Variants in MRAP2 observed in about 807,000 individuals in gnomAD.
MRAP2 encodes the protein melanocortin-2 receptor accessory protein 2.
Under a neutral mutation model 17.4 loss-of-function variants are expected in MRAP2, and 20 were observed. The observed-to-expected ratio is 1.15, with a 90% CI of 0.81 to 1.67. MRAP2 has a LOEUF of 1.67. Among genes scored for constraint, MRAP2 ranks in the 40% most tolerant of loss-of-function variants. MRAP2 has a pLI of 0.00. For missense variants in MRAP2, 238 were observed against 240.0 expected (o/e 0.99, Z 0.05); for synonymous variants, 96 against 88.4 (o/e 1.09, Z -0.48).
chr6:84,134,553 C>T, the MRAP2 span, among the ~76,000 whole-genome samples: 6 of 152,132 alleles, frequency 3.9e-5, no homozygotes, highest in East Asian at 3.9e-4. Flanking sequence ...TGGAGTGCAC[C>T]GTTCCTCATG....
At chr6:84,108,560 T>G in the MRAP2 span, among the ~76,000 whole-genome samples, 1 of 152,180 alleles carries the variant, frequency 6.6e-6, no homozygotes, top group South Asian at 2.1e-4. Flanking sequence ...TTAAGTTCCT[T>G]ATAGATGCTG....
the MRAP2 span, among the ~76,000 whole-genome samples, chr6:84,109,617 T>G: frequency 2.6e-5 from 4 of 152,166 alleles, no homozygotes; most frequent in Admixed American, 2.6e-4. Context: ...TTATTATTAT[T>G]GTACTTTAAG....
At position 84,090,858 on chromosome 6, in the gene MRAP2, A is replaced by C. The variant is rs1488296191; in HGVS notation, c.*1377A>C. 1.3e-5 allele frequency: 2 copies of C among 152,230 alleles called. No homozygotes were observed. The highest frequency in any genetic ancestry group is 2.9e-5 in the Non-Finnish European group (2 of 68,034). 9.4% of individuals were successfully genotyped at this position (152,230 alleles called of 1,614,324 possible). ...GTTCACCACCTGTCTTGCTTAAGCT[A>C]CAAAATAAATGCATTTGACTGCACA... On this transcript the variant is annotated 3_prime_UTR_variant, in exon 4 of 4. Coordinates refer to ENST00000257776, the MANE Select transcript of MRAP2 (RefSeq NM_138409.4).
the MRAP2 span, among the ~76,000 whole-genome samples, chr6:84,116,943 G>A: frequency 9.9e-5 from 15 of 151,882 alleles, no homozygotes; most frequent in East Asian, 3.9e-4. Flanking sequence ...CTGGCTTGCC[G>A]TTTCCTTCCC....
chr6:84,101,531 A>G, the MRAP2 span, among the ~76,000 whole-genome samples: 1 of 152,220 alleles, frequency 6.6e-6, no homozygotes, highest in Non-Finnish European at 1.5e-5. Context: ...AGGCTTCAGG[A>G]CAGTTATGAA....
chr6:84,137,468 T>C, the MRAP2 span, among the ~76,000 whole-genome samples: 7 of 152,242 alleles, frequency 4.6e-5, no homozygotes, highest in East Asian at 1.9e-4. Context: ...TGGGCCACAA[T>C]AGTCCCTGGG....
At chr6:84,042,085 G>A (rs1412818334) in intron 1 of MRAP2, among the ~76,000 whole-genome samples, 1 of 152,122 alleles carries the variant, frequency 6.6e-6, no homozygotes, top group Non-Finnish European at 1.5e-5. Context: ...AATCATGGGG[G>A]CAGTTATCCC....
intron 1 of MRAP2, chr6:84,035,386 A>C (rs2099485708): frequency 1.0e-6 from 1 of 980,534 alleles, no homozygotes; most frequent in Admixed American, 6.1e-5. Context: ...ACAAATACTT[A>C]CGCCAAACCA....
intron 3 of MRAP2, among the ~76,000 whole-genome samples, chr6:84,082,958 C>G (rs546999245): frequency 6.6e-6 from 1 of 152,158 alleles, no homozygotes; most frequent in East Asian, 1.9e-4. Flanking sequence ...CACCCCTTCC[C>G]CTTTTCCCCT....
At chr6:84,140,651 G>C in the MRAP2 span, among the ~76,000 whole-genome samples, 1 of 151,940 alleles carries the variant, frequency 6.6e-6, no homozygotes, top group Non-Finnish European at 1.5e-5. Flanking sequence ...TCAACCTCTT[G>C]AGTAGCTGGG....
chr6:84,143,222 T>C, the MRAP2 span, among the ~76,000 whole-genome samples: 1 of 152,060 alleles, frequency 6.6e-6, no homozygotes. Context: ...CCTTGGCTTC[T>C]TAAATTTTAC....
chr6:84,069,170 C>T (rs771725198), intron 3 of MRAP2, among the ~76,000 whole-genome samples: 10 of 151,824 alleles, frequency 6.6e-5, no homozygotes, highest in Non-Finnish European at 1.5e-4. Context: ...GCATCCTTGT[C>T]TTGTTCCAGT....
At chr6:84,038,899 C>T (rs116938065) in intron 1 of MRAP2, among the ~76,000 whole-genome samples, 254 of 152,242 alleles carry the variant, frequency 1.7e-3, no homozygotes, top group Middle Eastern at 3.4e-3. Flanking sequence ...TATTTTGAGG[C>T]GCAATAGAAA....
chr6:84,139,554 C>G, the MRAP2 span, among the ~76,000 whole-genome samples: 1 of 152,164 alleles, frequency 6.6e-6, no homozygotes, highest in East Asian at 1.9e-4. Context: ...ATGGGACTTT[C>G]TGGGATACCC....
chr6:84,082,370 A>G (rs1409019828), intron 3 of MRAP2, among the ~76,000 whole-genome samples: 2 of 152,218 alleles, frequency 1.3e-5, no homozygotes, highest in Admixed American at 6.5e-5. Flanking sequence ...GCAAAGGCTT[A>G]TAGATAATTC....
the MRAP2 span, among the ~76,000 whole-genome samples, chr6:84,140,952 A>G: frequency 6.6e-6 from 1 of 152,172 alleles, no homozygotes; most frequent in Non-Finnish European, 1.5e-5. Flanking sequence ...TTTTGGGATG[A>G]TTCAAGCTCA....
At chr6:84,066,478 C>T (rs936540643) in intron 3 of MRAP2, among the ~76,000 whole-genome samples, 5 of 152,152 alleles carry the variant, frequency 3.3e-5, no homozygotes, top group Non-Finnish European at 7.4e-5. Flanking sequence ...GCAGGAGTTT[C>T]CTTCTTAGGT....
At chr6:84,106,259 C>A in the MRAP2 span, among the ~76,000 whole-genome samples, 2 of 152,172 alleles carry the variant, frequency 1.3e-5, no homozygotes, top group African/African-American at 4.8e-5. Context: ...TTGTGGAATA[C>A]CATGACTGTG....
chr6:84,034,281 C>A (rs1193837332), intron 1 of MRAP2, among the ~76,000 whole-genome samples: 5 of 152,080 alleles, frequency 3.3e-5, no homozygotes, highest in African/African-American at 1.2e-4. Flanking sequence ...TGGTGCCCTG[C>A]AACTGAGAGA....
Sources: gnomAD v4.1 joint callset for allele counts (sites outside exome capture counted in the v4.1 genomes callset) on GRCh38, gnomAD v4.1.1 for gene constraint, MANE v1.5 for transcripts, NCBI Gene and HGNC (gene_info 2026-07-23, HGNC 2026-07-21) for gene names.